Variants in RTEL1 observed in about 807,000 individuals in gnomAD.
RTEL1 encodes the protein regulator of telomere length.
A neutral mutation model predicts 162.2 loss-of-function variants in RTEL1; 86 were observed. The observed-to-expected ratio is 0.53, with a 90% confidence interval of 0.45 to 0.63. RTEL1 has a LOEUF of 0.63. Among genes scored for constraint, RTEL1 ranks in the 30% least tolerant of loss-of-function variants. The pLI is 0.00. For missense variants in RTEL1, 1,941 were observed against 1,750.2 expected, an observed-to-expected ratio of 1.11 and a Z score of -1.95; for synonymous variants, 958 against 717.9, an observed-to-expected ratio of 1.33 and a Z score of -5.35.
At chr20:63,694,024 G>GCCC (rs1430117559) in intron 30 of RTEL1, among the ~76,000 whole-genome samples, 1 of 151,924 alleles carries the variant, frequency 6.6e-6, no homozygotes, top group African/African-American at 2.4e-5. Context: ...TTAATGAACA[G>GCCC]CCCCTACAGA....
rs1412784170 is a variant in RTEL1 at position 63,695,590 on chromosome 20, C to T, written c.3762C>T (p.Pro1254=). The T allele has an allele frequency of 2.5e-6, 4 of 1,612,076 alleles. No individual in the cohort carries two copies. The highest frequency in any genetic ancestry group is 1.7e-4 in the Middle Eastern group (1 of 6,042). ...CQGCGAEDVV[P]FQCPACDFQR... is the part of the protein sequence containing the mutation. Reference sequence around the variant, plus strand: ...GCTGTGGGGCAGAGGACGTGGTGCCCTTCCAGTGCCCTGCCTGTGACTTCC... The same window carrying T: ...GCTGTGGGGCAGAGGACGTGGTGCCTTTCCAGTGCCCTGCCTGTGACTTCC... Residue 1254 remains proline (P), a synonymous_variant, in exon 34 of 35, where the codon CCC becomes CCT. Transcript: ENST00000360203.
chr20:63,660,427 C>T (rs755361610), intron 2 of RTEL1, among the ~76,000 whole-genome samples: 5 of 152,208 alleles, frequency 3.3e-5, no homozygotes, highest in Non-Finnish European at 7.3e-5. Flanking sequence ...TGGAGAATGG[C>T]GATGACTTTT....
At chr20:63,682,724 GGGGGCAGAGT>G (rs1440486438) in intron 14 of RTEL1, 1 of 982,540 alleles carries the variant, frequency 1.0e-6, no homozygotes, top group East Asian at 1.1e-4. Context: ...AGGTGACCCT[GGGGGCAGAGT>G]GGGGCCAGTG....
chr20:63,690,899 C>A lies in RTEL1; in HGVS notation c.2508C>A (p.Ala836=), dbSNP rs147245368. 6.3e-6 allele frequency: 10 copies of A among 1,581,478 alleles called. No homozygotes were observed. The African/African-American group carries it at 1.3e-4, about 21-fold the overall frequency. Residue 836 remains alanine (A), a synonymous_variant, in exon 27 of 35, where the codon GCC becomes GCA. Coordinates refer to ENST00000360203, the MANE Select transcript of RTEL1 (RefSeq NM_001283009.2). ...GGCAGAGGCCCAGGGGGCTGCTGGC[C>A]GCCCTGGAGCACAGCGAACAGCGGG... is the stretch of plus-strand genomic sequence containing the variant. ...PARQRPRGLL[A]ALEHSEQRAG...
rs758172246 is a variant in RTEL1 at position 63,661,458 on chromosome 20, C to G, written c.263C>G (p.Ser88Cys). 6.2e-7 allele frequency: 1 copy of G among 1,613,224 alleles called. No individual in the cohort carries two copies. The highest frequency in any genetic ancestry group is 1.1e-5 in the South Asian group (1 of 91,078). Residue 88 changes from serine (S) to cysteine (C), a missense_variant, in exon 3 of 35, where the codon TCC becomes TGC. Coordinates refer to ENST00000360203, the MANE Select transcript of RTEL1 (RefSeq NM_001283009.2). This position sits in a 1 kb window ranked among gnomAD's most constrained non-coding sequence, Gnocchi z 5.1. ...CTTTTCCCGGATCGGGCCTTGTCAT[C>G]CTGGGGCAACGCTGCTGCTGCTGCT... ...GELFPDRALS[S>C]WGNAAAAAGD... is the part of the protein sequence containing the mutation.
At chr20:63,667,251 A>G (rs1372346078) in intron 7 of RTEL1, among the ~76,000 whole-genome samples, 2 of 152,004 alleles carry the variant, frequency 1.3e-5, no homozygotes, top group East Asian at 1.9e-4. Context: ...ATGGTCGGAA[A>G]CTCACGAGGA....
intron 8 of RTEL1, 121 bp from the exon 9 acceptor site, chr20:63,672,435 A>G (rs1242572811): frequency 1.0e-5 from 8 of 803,182 alleles, no homozygotes; most frequent in Non-Finnish European, 1.7e-5. Flanking sequence ...TGCTCTCGAC[A>G]TCGCCGGCGC....
In RTEL1 at chr20:63,661,595, C is replaced by T. The variant is rs1018313104; in HGVS notation, c.301+99C>T. The stretch of plus-strand genomic sequence containing the variant: ...GGGCCCATGGGGACTCCTGCCGTCT[C>T]TCAAGCAGAACTCAAGGAGAATTTT... On this transcript the variant is annotated intron_variant, in intron 3 of 34. Transcript: ENST00000360203. The surrounding 1 kb of genome is among the most constrained non-coding windows in gnomAD (Gnocchi z 5.1). 4 of 1,235,140 alleles carry T rather than the reference C, an allele frequency of 3.2e-6. No individual in the cohort carries two copies. The highest frequency in any genetic ancestry group is 2.5e-5 in the East Asian group (1 of 39,444). The allele number at this position is 1,235,140 out of a possible 1,614,324, so 76.5% of individuals were successfully genotyped here.
chr20:63,693,339 C>G (rs2090814825), intron 30 of RTEL1, 56 bp downstream of exon 30: 1 of 1,601,650 alleles, frequency 6.2e-7, no homozygotes, highest in Non-Finnish European at 8.5e-7. Context: ...CAGTGTGGGC[C>G]AGAGTCCTGG....
intron 27 of RTEL1, 126 bp from the exon 28 acceptor site, chr20:63,691,616 C>G: frequency 1.3e-6 from 1 of 769,800 alleles, no homozygotes; most frequent in Non-Finnish European, 2.2e-6. Context: ...TGCTGTGCCC[C>G]CCTCCCCCGA....
At chr20:63,659,713 C>T (rs1275339132) in intron 2 of RTEL1, among the ~76,000 whole-genome samples, 2 of 152,192 alleles carry the variant, frequency 1.3e-5, no homozygotes, top group African/African-American at 2.4e-5. Flanking sequence ...CCCCTCCACA[C>T]CTGTGGGTAT....
chr20:63,693,114 G>A (rs758355784), intron 29 of RTEL1, 29 bp from the exon 30 acceptor site: 1 of 1,612,204 alleles, frequency 6.2e-7, no homozygotes, highest in Admixed American at 1.7e-5. Context: ...AAAAGGGGCA[G>A]ATGGGGACAG....
chr20:63,693,248 G>A lies in RTEL1; in HGVS notation c.2957G>A (p.Arg986Gln), dbSNP rs146221660. 4.3e-5 allele frequency: 69 copies of A among 1,611,840 alleles called. 1 individual carries two copies. Among genetic ancestry groups the A allele is most frequent in the African/African-American group, 8.0e-5 (6 of 74,818 alleles). The stretch of plus-strand genomic sequence containing the variant: ...TATCGGCCTGAGCACAGCATTCCCC[G>A]AAGGCAGCGGGCACAGCCGGTCCTG... ...CGYRPEHSIP[R>Q]RQRAQPVLDP... The change falls in exon 30 of 35, where the codon CGA (arginine) becomes CAA (glutamine). Residue 986 changes from arginine (R) to glutamine (Q), a missense_variant. Physicochemically the swap from Arg to Gln is conservative, Grantham distance 43 (BLOSUM62 1). Coordinates refer to ENST00000360203, the MANE Select transcript of RTEL1 (RefSeq NM_001283009.2).
chr20:63,685,878 G>T lies in RTEL1; in HGVS notation c.1348+6G>T, dbSNP rs371358328. 3.7e-6 allele frequency: 6 copies of T among 1,611,948 alleles called. No individual in the cohort carries two copies. Among genetic ancestry groups the T allele is most frequent in the Non-Finnish European group, 5.1e-6 (6 of 1,179,666 alleles). ...CACTGCAGCCAGAAAGCGAGGTACA[G>T]ACCTGGGCCCACACGCTCCCCGCCC... On this transcript the variant is annotated splice_donor_region_variant and intron_variant, in intron 16 of 34. Coordinates refer to ENST00000360203, the MANE Select transcript of RTEL1 (RefSeq NM_001283009.2).
chr20:63,676,039 A>G (rs2090342802), intron 10 of RTEL1, among the ~76,000 whole-genome samples: 1 of 152,026 alleles, frequency 6.6e-6, no homozygotes, highest in Non-Finnish European at 1.5e-5. Flanking sequence ...CATCTCATTC[A>G]GGACCAGAAC....
At chr20:63,659,606 G>A in intron 2 of RTEL1, 102 bp downstream of exon 2, 8 of 844,014 alleles carry the variant, frequency 9.5e-6, no homozygotes, top group South Asian at 8.4e-5. Context: ...GCCCCTCCGG[G>A]CCAGAGGCAG....
intron 10 of RTEL1, among the ~76,000 whole-genome samples, chr20:63,677,727 C>T (rs561295955): frequency 1.3e-5 from 2 of 151,696 alleles, no homozygotes; most frequent in East Asian, 1.9e-4. Context: ...TGCACGGATT[C>T]TGTGTGGCCT....
At position 63,668,008 on chromosome 20, in the gene RTEL1, C is replaced by G. The variant is rs1272280392; in HGVS notation, c.699+455C>G. The stretch of plus-strand genomic sequence containing the variant: ...TTCCCAGTGCATGCCCGGCCCCACA[C>G]TCACTCCCCCCACAGCATGTGCCCG... On this transcript the variant is annotated intron_variant, in intron 8 of 34. Transcript: ENST00000360203. This position sits in a 1 kb window ranked among gnomAD's most constrained non-coding sequence, Gnocchi z 4.3. Among the ~76,000 whole-genome samples the G allele has an allele frequency of 6.7e-6, 1 of 149,752 alleles. No individual in the cohort carries two copies. The highest frequency in any genetic ancestry group is 2.5e-5 in the African/African-American group (1 of 40,516).
At chr20:63,693,474 T>TTCACCA (rs2090840381) in intron 30 of RTEL1, among the ~76,000 whole-genome samples, 191 bp downstream of exon 30, 2 of 8,562 alleles carry the variant, frequency 2.3e-4, no homozygotes, top group African/African-American at 1.1e-3. Flanking sequence ...CACCTCCACC[T>TTCACCA]CCACCTCCAC....
Sources: allele counts gnomAD v4.1 joint callset (sites outside exome capture counted in the v4.1 genomes callset), GRCh38; gene constraint gnomAD v4.1.1; non-coding constraint Gnocchi (gnomAD v3.1); transcripts MANE v1.5; gene names NCBI Gene and HGNC (gene_info 2026-07-23, HGNC 2026-07-21).